COPG2: variants seen among roughly 807,000 people sequenced by gnomAD.
COPG2 encodes coat protein complex I subunit gamma 2.
A neutral mutation model predicts 46.3 loss-of-function variants in COPG2; 37 were observed. The observed-to-expected ratio is 0.80, with a 90% CI of 0.61 to 1.05. The LOEUF is 1.05. COPG2 is among the 50% of genes least tolerant of loss of function. The probability of loss-of-function intolerance (pLI) is 0.00; values close to 1 mark genes in which losing one functional copy is unlikely to be tolerated. For synonymous variants in COPG2, 159 were observed against 129.7 expected (o/e 1.23, Z -1.53); for missense variants, 427 against 387.8 (o/e 1.10, Z -0.85).
intron 20 of COPG2, among the ~76,000 whole-genome samples, chr7:130,544,379 A>G (rs935620724): frequency 0.016 from 2,475 of 152,308 alleles, 65 homozygotes; most frequent in African/African-American, 0.057. Context: ...AATAATTATG[A>G]ATCATTATAT....
intron 20 of COPG2, 116 bp downstream of exon 20, chr7:130,547,554 ACACT>A (rs1793464613): frequency 2.5e-6 from 1 of 397,574 alleles, no homozygotes; most frequent in African/African-American, 2.1e-5. Flanking sequence ...ACACACACAA[ACACT>A]CATCATTAAA....
At chr7:130,636,213 T>C (rs1265016076) in intron 5 of COPG2, among the ~76,000 whole-genome samples, 1 of 152,208 alleles carries the variant, frequency 6.6e-6, no homozygotes, top group Non-Finnish European at 1.5e-5. Context: ...TAGATTTCTA[T>C]TAGGTCCGCT....
Position 130,558,255 on chromosome 7 carries a change from G to A in COPG2, c.1128+2778C>T, listed in dbSNP as rs960016565. Among the ~76,000 whole-genome samples the A allele has an allele frequency of 3.9e-5, 6 of 152,080 alleles. No individual in the cohort carries two copies. In the East Asian group the frequency reaches 5.8e-4, roughly 15 times the overall value. ...TGGGAGGTGACTGGATCATGGGGGC[G>A]GATTTCCCTGCTGGTGCTGTTCTTG... On this transcript the variant is annotated intron_variant, in intron 12 of 23. Transcript: ENST00000425248.
chr7:130,566,249 G>C (rs1195921232), intron 9 of COPG2, among the ~76,000 whole-genome samples: 1 of 152,122 alleles, frequency 6.6e-6, no homozygotes, highest in East Asian at 1.9e-4. Flanking sequence ...TAGTGATGTT[G>C]ACCATTTTTT....
At chr7:130,584,357 T>C (rs1471733029) in intron 9 of COPG2, among the ~76,000 whole-genome samples, 6 of 151,900 alleles carry the variant, frequency 3.9e-5, no homozygotes, top group Non-Finnish European at 5.9e-5. Context: ...CAACATAATA[T>C]TGAATGGGGA....
At chr7:130,523,505 A>G (rs951636553) in intron 20 of COPG2, among the ~76,000 whole-genome samples, 3 of 152,128 alleles carry the variant, frequency 2.0e-5, no homozygotes, top group African/African-American at 7.2e-5. Context: ...CGAGGGGAAG[A>G]CGCACGTGCA....
intron 4 of COPG2, among the ~76,000 whole-genome samples, chr7:130,654,906 A>G (rs950412443): frequency 2.7e-5 from 4 of 150,382 alleles, no homozygotes; most frequent in Non-Finnish European, 5.9e-5. Context: ...TTCATTTTAT[A>G]TATTTCTTTT....
rs782272435 is a variant in COPG2 at position 130,666,941 on chromosome 7, CAT to C, written c.91-14_91-13del. 3.0e-5 allele frequency: 42 copies of C among 1,407,278 alleles called. 1 individual carries two copies. In the South Asian group the frequency reaches 5.2e-4, roughly 18 times the overall value. 87.2% of individuals were successfully genotyped at this position (1,407,278 alleles called of 1,614,324 possible). On this transcript the variant is annotated splice_polypyrimidine_tract_variant and intron_variant, in intron 2 of 23. Coordinates refer to ENST00000425248, the MANE Select transcript of COPG2 (RefSeq NM_012133.6). ...TTGAATATACGAGCCTATGAAAAAA[CAT>C]AAAAAACATTGCTACTTTTCTACCT...
intron 5 of COPG2, among the ~76,000 whole-genome samples, chr7:130,642,301 T>C (rs1367059341): frequency 6.6e-6 from 1 of 152,046 alleles, no homozygotes; most frequent in Admixed American, 6.6e-5. Flanking sequence ...TGAAATATTA[T>C]GCTAAATCAG....
chr7:130,653,023 C>A, intron 4 of COPG2, 75 bp from the exon 5 acceptor site: 1 of 870,980 alleles, frequency 1.1e-6, no homozygotes, highest in Non-Finnish European at 1.8e-6. Context: ...AGTGAGGACC[C>A]CAAGTAGATA....
At chr7:130,567,842 C>A (rs1011500966) in intron 9 of COPG2, among the ~76,000 whole-genome samples, 3 of 152,142 alleles carry the variant, frequency 2.0e-5, no homozygotes, top group Non-Finnish European at 4.4e-5. Flanking sequence ...CCTTGAAATA[C>A]ACCAAAATAG....
intron 18 of COPG2, 96 bp from the exon 19 acceptor site, chr7:130,548,638 C>A (rs1239323854): frequency 5.1e-6 from 2 of 393,314 alleles, no homozygotes; most frequent in Non-Finnish European, 9.0e-6. Context: ...AGCAGTGGCT[C>A]ACGCCTGTAA....
rs1563076628 is a variant in COPG2, at chr7:130,668,735, G to A, written c.-67C>T. 20 of 1,485,106 alleles carry A rather than the reference G, an allele frequency of 1.3e-5. No homozygotes were observed. The highest frequency in any genetic ancestry group is 1.7e-4 in the Middle Eastern group (1 of 5,718). The allele number at this position is 1,485,106 out of a possible 1,614,324, so 92.0% of individuals were successfully genotyped here. On this transcript the variant is annotated 5_prime_UTR_variant, in exon 1 of 24. Transcript: ENST00000425248. ...CAGGCGCCGCAGCCGGCGAGCGGAA[G>A]AGGCTGCAGGAAGGCCGGCCCCGCG... is the stretch of plus-strand genomic sequence containing the variant.
At chr7:130,613,745 C>A in intron 6 of COPG2, 109 bp from the exon 7 acceptor site, 1 of 738,028 alleles carries the variant, frequency 1.4e-6, no homozygotes, top group African/African-American at 1.7e-5. Flanking sequence ...TGTTTCTGTG[C>A]AAATATTCAG....
chr7:130,615,933 G>T (rs75487329), intron 6 of COPG2, among the ~76,000 whole-genome samples: 4,660 of 152,254 alleles, frequency 0.031, 240 homozygotes, highest in African/African-American at 0.11. Flanking sequence ...ATCCCCCTTA[G>T]GACATAATAC....
chr7:130,594,778 A>G (rs782293645), intron 9 of COPG2, among the ~76,000 whole-genome samples: 2 of 152,242 alleles, frequency 1.3e-5, no homozygotes, highest in Non-Finnish European at 2.9e-5. Flanking sequence ...ACTGATCACT[A>G]GGGTAATGCA....
intron 20 of COPG2, among the ~76,000 whole-genome samples, chr7:130,541,531 A>T (rs1201775796): frequency 6.6e-6 from 1 of 151,984 alleles, no homozygotes; most frequent in African/African-American, 2.4e-5. Flanking sequence ...GGAGATGAGG[A>T]CGGGCAGAGA....
At chr7:130,542,160 G>A (rs1211884300) in intron 20 of COPG2, among the ~76,000 whole-genome samples, 1 of 136,842 alleles carries the variant, frequency 7.3e-6, no homozygotes, top group Non-Finnish European at 1.5e-5. Context: ...AAGAGCAAGA[G>A]TGTGGGTGTG....
chr7:130,531,979 C>T (rs938938741), intron 20 of COPG2, among the ~76,000 whole-genome samples: 17 of 152,094 alleles, frequency 1.1e-4, no homozygotes, highest in African/African-American at 3.4e-4. Flanking sequence ...CAGACAATAG[C>T]GAAAGAGAAA....
Sources: gnomAD v4.1 joint callset for allele counts (sites outside exome capture counted in the v4.1 genomes callset) on GRCh38, gnomAD v4.1.1 for gene constraint, MANE v1.5 for transcripts, NCBI Gene and HGNC (gene_info 2026-07-23, HGNC 2026-07-21) for gene names.